Variants in DZIP1L observed in about 807,000 individuals in gnomAD.
DZIP1L encodes the protein cilium assembly protein DZIP1L.
Under a neutral mutation model 88.7 loss-of-function variants are expected in DZIP1L, and 90 were observed. That is an observed-to-expected ratio of 1.02 (90% CI 0.86 to 1.21). The LOEUF is 1.21. DZIP1L is among the 50% of genes most tolerant of loss of function. The pLI is 0.00. For synonymous variants in DZIP1L, 363 were observed against 372.1 expected (o/e 0.98, Z 0.28); for missense variants, 932 against 955.8 (o/e 0.98, Z 0.33).
chr3:138,085,870 A>T (rs1943907991), intron 7 of DZIP1L, among the ~76,000 whole-genome samples: 1 of 152,212 alleles, frequency 6.6e-6, no homozygotes, highest in Non-Finnish European at 1.5e-5. Flanking sequence ...ATGTCCATCA[A>T]TGATAGACTG....
In DZIP1L at chr3:138,062,095, T is replaced by C. The variant is rs898432193; in HGVS notation, c.*721A>G. ...ATAAAACCTGATTTTGGAAATAATA[T>C]CAAAAATTACACGTGTGGTCCTTTG... On this transcript the variant is annotated 3_prime_UTR_variant, in exon 16 of 16. Coordinates refer to ENST00000327532, the MANE Select transcript of DZIP1L (RefSeq NM_173543.3). 1.3e-5 allele frequency: 2 copies of C among 152,576 alleles called. No homozygotes were observed. The highest frequency in any genetic ancestry group is 2.4e-5 in the African/African-American group (1 of 41,412). The allele number at this position is 152,576 out of a possible 1,614,324, so 9.5% of individuals were successfully genotyped here. A position where few individuals can be genotyped will look rare whatever the true frequency, so the allele number is the denominator to read the frequency against.
At chr3:138,071,944 G>C in intron 11 of DZIP1L, 109 bp from the exon 12 acceptor site, 1 of 1,099,312 alleles carries the variant, frequency 9.1e-7, no homozygotes, top group Non-Finnish European at 1.3e-6. Flanking sequence ...ATCAGTGCCT[G>C]GTGCTTTTCT....
At chr3:138,094,518 G>C (rs1445375993) in intron 4 of DZIP1L, among the ~76,000 whole-genome samples, 1 of 152,198 alleles carries the variant, frequency 6.6e-6, no homozygotes, top group African/African-American at 2.4e-5. Flanking sequence ...CTGGGTTCTG[G>C]AGCTTTCAGA....
chr3:138,086,809 G>T (rs1943961901), intron 7 of DZIP1L, 152 bp downstream of exon 7: 1 of 777,670 alleles, frequency 1.3e-6, no homozygotes, highest in East Asian at 2.5e-5. Flanking sequence ...GTGTACTGAT[G>T]GGGACAGTAG....
At chr3:138,102,064 T>C in intron 2 of DZIP1L, 5 of 1,479,446 alleles carry the variant, frequency 3.4e-6, no homozygotes, top group Non-Finnish European at 4.7e-6. Context: ...TCCTCATACT[T>C]GATCTGGTAC....
At chr3:138,074,991 G>A (rs1360036575) in intron 11 of DZIP1L, among the ~76,000 whole-genome samples, 1 of 152,192 alleles carries the variant, frequency 6.6e-6, no homozygotes, top group Non-Finnish European at 1.5e-5. Context: ...CCAAAAGCGA[G>A]CAGGAGTAGC....
In DZIP1L at chr3:138,068,203, G is replaced by T; in HGVS notation, c.1780C>A (p.Pro594Thr). The T allele has an allele frequency of 1.3e-6, 2 of 1,589,808 alleles. No individual in the cohort carries two copies. Among genetic ancestry groups the T allele is most frequent in the East Asian group, 2.3e-5 (1 of 43,804 alleles). The change falls in exon 13 of 16, where the codon CCC becomes ACC. Residue 594 changes from proline to threonine, a missense_variant. Pro to Thr is a conservative substitution (Grantham distance 38, BLOSUM62 -1). Transcript: ENST00000327532. ...LTQVSAPAPR[P>T]GLHGPSSTPP... ...GTGCTGGAGGGTCCATGCAGTCCGG[G>T]GCGTGGAGCGGGGGCGGACACCTGG...
At chr3:138,082,850 A>C (rs753422442) in intron 8 of DZIP1L, among the ~76,000 whole-genome samples, 3 of 152,192 alleles carry the variant, frequency 2.0e-5, no homozygotes, top group African/African-American at 4.8e-5. Context: ...TTGGGAAGGG[A>C]CCTTTTCATC....
chr3:138,069,418 A>T (rs1313126209), intron 12 of DZIP1L, among the ~76,000 whole-genome samples: 2 of 152,190 alleles, frequency 1.3e-5, no homozygotes, highest in Non-Finnish European at 2.9e-5. Flanking sequence ...CAAAAGTTAC[A>T]CGCAAATTTT....
At position 138,101,836 on chromosome 3, in the gene DZIP1L, T is replaced by A. The variant is rs1312590064; in HGVS notation, c.501+1635A>T. 75 of 1,282,108 alleles carry A rather than the reference T, an allele frequency of 5.8e-5. 1 individual carries two copies. Among genetic ancestry groups the A allele is most frequent in the South Asian group, 4.6e-4 (39 of 84,356 alleles). The allele number at this position is 1,282,108 out of a possible 1,614,324, so 79.4% of individuals were successfully genotyped here. ...ATACTCACGCAGCTGCCGCTCCATGTCCTGCTTGGCCCGCTGCAGGGCGCC... is the reference window on the plus strand; with the variant it reads ...ATACTCACGCAGCTGCCGCTCCATGACCTGCTTGGCCCGCTGCAGGGCGCC... On this transcript the variant is annotated intron_variant, in intron 2 of 15. Coordinates refer to ENST00000327532, the MANE Select transcript of DZIP1L (RefSeq NM_173543.3).
intron 11 of DZIP1L, among the ~76,000 whole-genome samples, 200 bp from the exon 12 acceptor site, chr3:138,072,035 G>T (rs1489741238): frequency 6.6e-6 from 1 of 152,182 alleles, no homozygotes; most frequent in Non-Finnish European, 1.5e-5. Flanking sequence ...AATGGTTCAG[G>T]GTTTGGGAGC....
At chr3:138,100,029 C>T (rs1420574813) in intron 2 of DZIP1L, among the ~76,000 whole-genome samples, 1 of 151,654 alleles carries the variant, frequency 6.6e-6, no homozygotes, top group East Asian at 1.9e-4. Context: ...CAACCCCCAT[C>T]CTTTTTTTTT....
chr3:138,110,416 C>T lies in DZIP1L; in HGVS notation c.-82+4912G>A, dbSNP rs552025104. Among the ~76,000 whole-genome samples the T allele has an allele frequency of 6.6e-5, 10 of 152,086 alleles. No individual in the cohort carries two copies. The South Asian group carries it at 1.0e-3, about 16-fold the overall frequency. On this transcript the variant is annotated intron_variant, in intron 1 of 15. Coordinates refer to ENST00000327532, the MANE Select transcript of DZIP1L (RefSeq NM_173543.3). ...GTATACATAATGTAACAAACCTGCACGTTGTGCACAGGTACCCTAGAACTT... is the reference window on the plus strand; with the variant it reads ...GTATACATAATGTAACAAACCTGCATGTTGTGCACAGGTACCCTAGAACTT...
rs192140123 is a variant in DZIP1L at position 138,067,243 on chromosome 3, A to G, written c.2002+288T>C. ...TACTGGAAAGAACATGGAGGAGAAA[A>G]GGGGTGAATGGCTCCCTTCAACCTC... is the stretch of plus-strand genomic sequence containing the variant. On this transcript the variant is annotated intron_variant, in intron 14 of 15. Transcript: ENST00000327532. Among the ~76,000 whole-genome samples the G allele has an allele frequency of 4.6e-3, 696 of 152,290 alleles. 6 individuals are homozygous for G. The highest frequency in any genetic ancestry group is 8.5e-3 in the Non-Finnish European group (575 of 68,008).
rs367898976 is a variant in DZIP1L at position 138,094,921 on chromosome 3, T to G, written c.649A>C (p.Lys217Gln). The change falls in exon 4 of 16, where the codon AAG becomes CAG. Residue 217 changes from lysine (K) to glutamine (Q), a missense_variant. Coordinates refer to ENST00000327532, the MANE Select transcript of DZIP1L (RefSeq NM_173543.3). ...EVLEELRAKL[K>Q]WTQGELEAQR... ...GCTTCCAGCTCCCCTTGGGTCCACTTTAGCTTGGCCCGTAGCTCTTCTAAC... is the reference window on the plus strand; with the variant it reads ...GCTTCCAGCTCCCCTTGGGTCCACTGTAGCTTGGCCCGTAGCTCTTCTAAC... The G allele has an allele frequency of 3.1e-6, 5 of 1,614,120 alleles. No individual in the cohort carries two copies. The highest frequency in any genetic ancestry group is 1.3e-5 in the African/African-American group (1 of 74,938).
chr3:138,099,289 A>G (rs1455212940), intron 2 of DZIP1L, among the ~76,000 whole-genome samples: 1 of 152,214 alleles, frequency 6.6e-6, no homozygotes, highest in African/African-American at 2.4e-5. Context: ...GTAAACTTAC[A>G]TTATGAGATT....
chr3:138,069,155 C>T (rs372190380), intron 12 of DZIP1L: 7 of 684,534 alleles, frequency 1.0e-5, no homozygotes, highest in South Asian at 3.2e-5. Context: ...TCTTCCTCCT[C>T]CTCTTCAGCC....
At chr3:138,111,922 G>C (rs1279232906) in intron 1 of DZIP1L, among the ~76,000 whole-genome samples, 3 of 151,934 alleles carry the variant, frequency 2.0e-5, no homozygotes, top group African/African-American at 7.3e-5. Flanking sequence ...TTGAACCCAG[G>C]AGGTGGAAGT....
intron 1 of DZIP1L, among the ~76,000 whole-genome samples, chr3:138,108,379 C>T (rs762694188): frequency 5.9e-5 from 9 of 152,122 alleles, no homozygotes; most frequent in Admixed American, 1.3e-4. Context: ...ACTATTTAAG[C>T]TTTGGCGTCA....
Sources: allele counts gnomAD v4.1 joint callset (sites outside exome capture counted in the v4.1 genomes callset), GRCh38; gene constraint gnomAD v4.1.1; transcripts MANE v1.5; gene names NCBI Gene and HGNC (gene_info 2026-07-23, HGNC 2026-07-21).